The following ATP2A1 variants were observed in gnomAD, a reference collection of about 807,000 sequenced individuals.
ATP2A1 encodes the protein sarcoplasmic/endoplasmic reticulum calcium ATPase 1.
ATP2A1 carries 83 observed loss-of-function variants against 109.5 expected under a neutral mutation model. That is an observed-to-expected ratio of 0.76 (90% CI 0.63 to 0.91). ATP2A1 has a LOEUF of 0.91. Ranked by LOEUF, ATP2A1 falls within the 40% of genes least tolerant of loss-of-function variation. ATP2A1 has a pLI of 0.00. For synonymous variants in ATP2A1, 505 were observed against 537.6 expected, an observed-to-expected ratio of 0.94 and a Z score of 0.84; for missense variants, 1,101 against 1,341.0, an observed-to-expected ratio of 0.82 and a Z score of 2.80.
At chr16:28,895,047 C>T (rs1240905719) in intron 12 of ATP2A1, 94 bp downstream of exon 12, 3 of 1,567,548 alleles carry the variant, frequency 1.9e-6, no homozygotes, top group African/African-American at 1.3e-5. Context: ...GAGCCTAGTG[C>T]CTGTGCTGGG....
intron 15 of ATP2A1, among the ~76,000 whole-genome samples, chr16:28,901,505 T>A (rs1348096770): frequency 1.3e-5 from 2 of 152,098 alleles, no homozygotes. Context: ...TGGTGGCACA[T>A]GCCTGTAGTC....
At position 28,903,932 on chromosome 16, in the gene ATP2A1, C is replaced by T. The variant is rs1964168911; in HGVS notation, c.*37+191C>T. On this transcript the variant is annotated intron_variant, in intron 22 of 22. Coordinates refer to ENST00000395503, the MANE Select transcript of ATP2A1 (RefSeq NM_004320.6). The surrounding 1 kb of genome is among the most constrained non-coding windows in gnomAD (Gnocchi z 5.6). ...ACTGGGCGTCAGTTTGGCTCCCAGG[C>T]CCTGGGCAGTGCCAGCCTCTGGGCC... The T allele has an allele frequency of 4.0e-6, 3 of 745,144 alleles. No homozygotes were observed. The highest frequency in any genetic ancestry group is 7.2e-4 in the Middle Eastern group (2 of 2,790). 46.2% of individuals were successfully genotyped at this position (745,144 alleles called of 1,614,324 possible).
intron 15 of ATP2A1, among the ~76,000 whole-genome samples, chr16:28,901,318 G>T (rs559130383): frequency 2.2e-5 from 3 of 138,422 alleles, no homozygotes; most frequent in African/African-American, 8.3e-5. Flanking sequence ...AATAGAGTGA[G>T]ACCCTGTCTC....
At chr16:28,885,555 G>A (rs1963593521) in intron 6 of ATP2A1, among the ~76,000 whole-genome samples, 1 of 151,862 alleles carries the variant, frequency 6.6e-6, no homozygotes, top group South Asian at 2.1e-4. Flanking sequence ...TCTTGGCCAG[G>A]CTGGTCTTGA....
chr16:28,890,687 G>T (rs1336570400), intron 9 of ATP2A1, among the ~76,000 whole-genome samples: 1 of 149,748 alleles, frequency 6.7e-6, no homozygotes, highest in South Asian at 2.1e-4. Context: ...TTTTTTGTTT[G>T]TTTTTTTTTG....
At chr16:28,897,887 A>T in intron 12 of ATP2A1, 113 bp from the exon 13 acceptor site, 1 of 1,388,118 alleles carries the variant, frequency 7.2e-7, no homozygotes, top group Non-Finnish European at 1.0e-6. Context: ...CTTTTGTGCT[A>T]TAGGGACCAG....
In ATP2A1 at chr16:28,904,367, CT is replaced by C; in HGVS notation, c.*227del. 2.6e-6 allele frequency: 4 copies of C among 1,540,450 alleles called. No homozygotes were observed. In the South Asian group the frequency reaches 4.7e-5, roughly 18 times the overall value. ...CTCGGCCACCCGCCTCCCTCTCAAC[CT>C]TGTAAATTCCCCTTCCCAACCCCGA... is the stretch of plus-strand genomic sequence containing the variant. On this transcript the variant is annotated 3_prime_UTR_variant, in exon 23 of 23. Transcript: ENST00000395503.
At position 28,898,295 on chromosome 16, in the gene ATP2A1, A is replaced by C; in HGVS notation, c.1608A>C (p.Pro536=). 1.2e-6 allele frequency: 2 copies of C among 1,614,204 alleles called. No individual in the cohort carries two copies. The highest frequency in any genetic ancestry group is 1.7e-6 in the Non-Finnish European group (2 of 1,180,024). Residue 536 remains proline (P), a synonymous_variant, in exon 14 of 23, where the codon CCA becomes CCC. Coordinates refer to ENST00000395503, the MANE Select transcript of ATP2A1 (RefSeq NM_004320.6). The surrounding 1 kb of genome is among the most constrained non-coding windows in gnomAD (Gnocchi z 4.0). ...TGCGAGTTGGCACCACCCGGGTGCC[A>C]CTGACGGGGCCGGTGAAGGAAAAGA... ...NYVRVGTTRV[P]LTGPVKEKIM... is the part of the protein sequence containing the mutation.
At chr16:28,896,206 CTTTT>C (rs888721539) in intron 12 of ATP2A1, among the ~76,000 whole-genome samples, 4 of 151,872 alleles carry the variant, frequency 2.6e-5, no homozygotes, top group African/African-American at 9.7e-5. Flanking sequence ...GGCTTTCATT[CTTTT>C]TGTTTGTTTG....
chr16:28,894,057 G>C, intron 9 of ATP2A1, 98 bp from the exon 10 acceptor site: 1 of 977,244 alleles, frequency 1.0e-6, no homozygotes. Context: ...GAAATGGTGG[G>C]AAGGTAGGTG....
intron 5 of ATP2A1, among the ~76,000 whole-genome samples, chr16:28,884,164 GT>G (rs1391786390): frequency 2.0e-5 from 3 of 151,800 alleles, no homozygotes; most frequent in Admixed American, 6.6e-5. Flanking sequence ...TCTCACTCCT[GT>G]CTCCCAATCT....
In ATP2A1 at chr16:28,894,918, C is replaced by G. The variant is rs763719728; in HGVS notation, c.1384C>G (p.Leu462Val). The G allele has an allele frequency of 1.3e-5, 21 of 1,612,554 alleles. No homozygotes were observed. Among genetic ancestry groups the G allele is most frequent in the East Asian group, 2.2e-5 (1 of 44,872 alleles). The change falls in exon 12 of 23, where the codon CTC (leucine) becomes GTC (valine). Residue 462 changes from leucine to valine, a missense_variant. Leu to Val is a conservative substitution (Grantham distance 32). Transcript: ENST00000395503. ...MNVFNTDVRS[L>V]SKVERANACN... ...TGTGTTCAACACGGATGTGAGAAGC[C>G]TCTCGAAGGTGGAGAGAGCCAACGC...
At position 28,903,129 on chromosome 16, in the gene ATP2A1, C is replaced by A; in HGVS notation, c.2844C>A (p.Leu948=). ...CLSMSLHFLI[L]YVDPLPMIFK... ...CCATGTCCCTGCACTTCCTCATCCT[C>A]TATGTTGACCCCCTGCCGGTGAGGT... Residue 948 remains leucine, a synonymous_variant, in exon 20 of 23, where the codon CTC becomes CTA. Transcript: ENST00000395503. This position sits in a 1 kb window ranked among gnomAD's most constrained non-coding sequence, Gnocchi z 5.6. 1.1e-5 allele frequency: 17 copies of A among 1,613,726 alleles called. No individual in the cohort carries two copies. The highest frequency in any genetic ancestry group is 1.4e-5 in the Non-Finnish European group (16 of 1,179,958).
intron 9 of ATP2A1, among the ~76,000 whole-genome samples, chr16:28,893,709 G>A (rs967041142): frequency 1.3e-5 from 2 of 148,650 alleles, no homozygotes; most frequent in African/African-American, 2.5e-5. Flanking sequence ...GAGTGTAATG[G>A]CACGATCCTG....
intron 4 of ATP2A1, among the ~76,000 whole-genome samples, chr16:28,882,100 C>CTTTTTTTT (rs778416146): frequency 1.1e-5 from 1 of 90,412 alleles, no homozygotes; most frequent in African/African-American, 6.2e-5. Flanking sequence ...CTACGCCCGG[C>CTTTTTTTT]TTTTTTTTTT....
Position 28,880,206 on chromosome 16 carries a change from C to T in ATP2A1, c.219+623C>T. The T allele has an allele frequency of 1.1e-6, 1 of 870,986 alleles. No homozygotes were observed. Among genetic ancestry groups the T allele is most frequent in the Non-Finnish European group, 1.4e-6 (1 of 721,998 alleles). 54.0% of individuals were successfully genotyped at this position (870,986 alleles called of 1,614,324 possible). A position where few individuals can be genotyped will look rare whatever the true frequency, so the allele number is the denominator to read the frequency against. ...GGGCATCTCCAGGGCTCTGCCTCCT[C>T]TCCCGCCCTGGGGGCTACTCCCCAT... On this transcript the variant is annotated intron_variant, in intron 3 of 22. Transcript: ENST00000395503. This position sits in a 1 kb window ranked among gnomAD's most constrained non-coding sequence, Gnocchi z 4.2.
intron 6 of ATP2A1, among the ~76,000 whole-genome samples, chr16:28,886,302 G>A (rs1017882970): frequency 5.9e-5 from 9 of 152,020 alleles, no homozygotes; most frequent in East Asian, 1.9e-4. Flanking sequence ...ACACCACTGC[G>A]TTCCAGCCTG....
Position 28,898,228 on chromosome 16 carries a change from C to T in ATP2A1, c.1546-5C>T, listed in dbSNP as rs1963970973. 1 of 1,614,096 alleles carries T rather than the reference C, an allele frequency of 6.2e-7. No homozygotes were observed. ...TGGTCTCTGAATGCTGTTCTGGTCT[C>T]CTAGGGTGCCCCTGAGGGCGTCATC... is the stretch of plus-strand genomic sequence containing the variant. On this transcript the variant is annotated splice_region_variant and splice_polypyrimidine_tract_variant and intron_variant, in intron 13 of 22. Coordinates refer to ENST00000395503, the MANE Select transcript of ATP2A1 (RefSeq NM_004320.6). The surrounding 1 kb of genome is among the most constrained non-coding windows in gnomAD (Gnocchi z 4.0).
chr16:28,882,546 C>G lies in ATP2A1; in HGVS notation c.420C>G (p.Ile140Met). The part of the protein sequence containing the change: ...YRADRKSVQR[I>M]KARDIVPGDI... ...CTGACCGCAAGTCAGTGCAAAGGAT[C>G]AAGGCTCGGGACATCGTCCCTGGGG... Residue 140 changes from isoleucine (I) to methionine (M), a missense_variant, in exon 5 of 23, where the codon ATC (isoleucine) becomes ATG (methionine). Transcript: ENST00000395503. 1 of 1,614,204 alleles carries G rather than the reference C, an allele frequency of 6.2e-7. No homozygotes were observed. Among genetic ancestry groups the G allele is most frequent in the Non-Finnish European group, 8.5e-7 (1 of 1,180,016 alleles).
Sources: gnomAD v4.1 joint callset for allele counts (sites outside exome capture counted in the v4.1 genomes callset) on GRCh38, gnomAD v4.1.1 for gene constraint, Gnocchi (gnomAD v3.1) non-coding constraint, MANE v1.5 for transcripts, NCBI Gene and HGNC (gene_info 2026-07-23, HGNC 2026-07-21) for gene names.